GLG1: variants seen among roughly 807,000 people sequenced by gnomAD.
GLG1 encodes the protein golgi glycoprotein 1, also known as Golgi apparatus protein 1.
Under a neutral mutation model 160.5 loss-of-function variants are expected in GLG1, and 38 were observed. The observed-to-expected ratio is 0.24, with a 90% CI of 0.18 to 0.31. GLG1 has a LOEUF of 0.31. GLG1 is among the 10% of genes least tolerant of loss of function. GLG1 has a pLI of 1.00. For synonymous variants in GLG1, 644 were observed against 543.4 expected (o/e 1.19, Z -2.57); for missense variants, 1,373 against 1,505.2 (o/e 0.91, Z 1.45).
intron 1 of GLG1, among the ~76,000 whole-genome samples, chr16:74,564,137 C>T (rs1384200236): frequency 1.3e-5 from 2 of 152,162 alleles, no homozygotes; most frequent in Non-Finnish European, 2.9e-5. Flanking sequence ...CCTACGCTGT[C>T]TTGAACTCCT....
intron 1 of GLG1, among the ~76,000 whole-genome samples, chr16:74,549,611 G>C (rs201723341): frequency 6.6e-6 from 1 of 152,096 alleles, no homozygotes; most frequent in East Asian, 1.9e-4. Flanking sequence ...TTTATACATA[G>C]TGCCTAGCAC....
chr16:74,595,894 C>T (rs1246106481), intron 1 of GLG1, among the ~76,000 whole-genome samples: 1 of 152,108 alleles, frequency 6.6e-6, no homozygotes, highest in South Asian at 2.1e-4. Flanking sequence ...GAGGCCAAGG[C>T]GGGTGGATCA....
intron 17 of GLG1, chr16:74,468,252 TTGG>T (rs1366884813): frequency 2.1e-5 from 3 of 142,626 alleles, no homozygotes; most frequent in African/African-American, 8.6e-5. Context: ...TTTTTTTTTT[TTGG>T]AGACAGAGTC....
chr16:74,482,031 T>G (rs1040736106), intron 10 of GLG1, among the ~76,000 whole-genome samples: 6 of 151,976 alleles, frequency 3.9e-5, no homozygotes, highest in Non-Finnish European at 5.9e-5. Flanking sequence ...CTTGTTCTCC[T>G]CCCACCTCGG....
At chr16:74,469,151 G>C in intron 16 of GLG1, 88 bp from the exon 17 acceptor site, 1 of 817,940 alleles carries the variant, frequency 1.2e-6, no homozygotes, top group Non-Finnish European at 2.1e-6. Context: ...ACACCATTAA[G>C]AATTCAAGAT....
chr16:74,583,044 C>T (rs778134319), intron 1 of GLG1, among the ~76,000 whole-genome samples: 6 of 151,994 alleles, frequency 3.9e-5, no homozygotes, highest in Non-Finnish European at 8.8e-5. Flanking sequence ...GCTTCCACAA[C>T]TAAACTCCTG....
Position 74,496,424 on chromosome 16 carries a change from T to C in GLG1, c.978+17A>G. 2 of 1,546,892 alleles carry C rather than the reference T, an allele frequency of 1.3e-6. No homozygotes were observed. Among genetic ancestry groups the C allele is most frequent in the Non-Finnish European group, 8.9e-7 (1 of 1,119,044 alleles). Reference sequence around the variant, plus strand: ...AAAAATAAAAGGAAGAAAAGAACAGTTTCTGAGCTGACTCACATTTTCACA... The same window carrying C: ...AAAAATAAAAGGAAGAAAAGAACAGCTTCTGAGCTGACTCACATTTTCACA... On this transcript the variant is annotated intron_variant, in intron 5 of 25. Transcript: ENST00000422840.
intron 11 of GLG1, among the ~76,000 whole-genome samples, chr16:74,478,008 A>ATAAG (rs1567468823): frequency 1.6e-4 from 24 of 151,542 alleles, no homozygotes; most frequent in African/African-American, 5.6e-4. Context: ...AAATAAATAA[A>ATAAG]TAAATAAAAT....
chr16:74,580,310 C>T lies in GLG1; in HGVS notation c.438+26347G>A, dbSNP rs143657035. On this transcript the variant is annotated intron_variant, in intron 1 of 25. Coordinates refer to ENST00000422840, the MANE Select transcript of GLG1 (RefSeq NM_001145667.2). ...ACCAGCCTGAGCAACATGGCACAAC[C>T]CCCATCTCTACAAAAAAAACTAAAA... Among the ~76,000 whole-genome samples, 4 of 151,676 alleles carry T rather than the reference C, an allele frequency of 2.6e-5. 1 individual carries two copies. Among genetic ancestry groups the T allele is most frequent in the African/African-American group, 9.7e-5 (4 of 41,364 alleles).
intron 9 of GLG1, 32 bp downstream of exon 9, chr16:74,485,764 T>C: frequency 6.3e-7 from 1 of 1,592,620 alleles, no homozygotes; most frequent in Non-Finnish European, 8.6e-7. Flanking sequence ...TGAAATACAA[T>C]ATGGATAAAT....
intron 1 of GLG1, among the ~76,000 whole-genome samples, chr16:74,599,241 A>G (rs959494860): frequency 3.9e-5 from 6 of 152,186 alleles, no homozygotes; most frequent in Admixed American, 3.9e-4. Flanking sequence ...GCTAGAGGTG[A>G]ATATACGACC....
At chr16:74,555,262 G>A (rs2018320650) in intron 1 of GLG1, among the ~76,000 whole-genome samples, 1 of 152,036 alleles carries the variant, frequency 6.6e-6, no homozygotes, top group Non-Finnish European at 1.5e-5. Context: ...TTATCTAGTG[G>A]TCTGTCCTAG....
chr16:74,497,746 T>C (rs953411593), intron 4 of GLG1, among the ~76,000 whole-genome samples: 9 of 152,132 alleles, frequency 5.9e-5, no homozygotes, highest in African/African-American at 2.2e-4. Context: ...CAACAGTGCT[T>C]TCAGTCAAGT....
intron 2 of GLG1, among the ~76,000 whole-genome samples, chr16:74,528,722 G>A (rs2017424011): frequency 7.3e-6 from 1 of 137,686 alleles, no homozygotes; most frequent in Non-Finnish European, 1.5e-5. Context: ...TGAGGCAGGA[G>A]AATCACTTCA....
At chr16:74,589,967 C>A (rs1032784272) in intron 1 of GLG1, among the ~76,000 whole-genome samples, 4 of 148,246 alleles carry the variant, frequency 2.7e-5, no homozygotes, top group African/African-American at 1.0e-4. Context: ...TAAAAATATA[C>A]CGATAGTACA....
intron 2 of GLG1, among the ~76,000 whole-genome samples, chr16:74,523,982 G>A (rs919573709): frequency 5.9e-5 from 9 of 152,168 alleles, no homozygotes; most frequent in Admixed American, 5.9e-4. Flanking sequence ...GGAGGCTGAG[G>A]TGGGCACATC....
chr16:74,503,840 G>T, intron 3 of GLG1, 94 bp from the exon 4 acceptor site: 1 of 815,646 alleles, frequency 1.2e-6, no homozygotes, highest in South Asian at 1.7e-5. Flanking sequence ...TTTTCCTGTT[G>T]ATTTCCTAAT....
chr16:74,591,870 C>T (rs1958192328), intron 1 of GLG1, among the ~76,000 whole-genome samples: 1 of 152,172 alleles, frequency 6.6e-6, no homozygotes, highest in African/African-American at 2.4e-5. Context: ...AAGCAGTCTT[C>T]TGAACTATTC....
intron 3 of GLG1, among the ~76,000 whole-genome samples, chr16:74,506,599 A>AAAAAAAAC: frequency 1.4e-5 from 2 of 141,398 alleles, no homozygotes; most frequent in Non-Finnish European, 3.1e-5. Context: ...AAAAAAAAAA[A>AAAAAAAAC]AAAAACTCAA....
Sources: gnomAD v4.1 joint callset for allele counts (sites outside exome capture counted in the v4.1 genomes callset) on GRCh38, gnomAD v4.1.1 for gene constraint, MANE v1.5 for transcripts, NCBI Gene and HGNC (gene_info 2026-07-23, HGNC 2026-07-21) for gene names.